The following CSGALNACT2 variants were observed in gnomAD, a reference collection of about 807,000 sequenced individuals.
CSGALNACT2 encodes the protein chondroitin sulfate N-acetylgalactosaminyltransferase 2.
Under a neutral mutation model 55.3 loss-of-function variants are expected in CSGALNACT2, and 35 were observed. That is an observed-to-expected ratio of 0.63 (90% confidence interval 0.48 to 0.84). The LOEUF is 0.84. CSGALNACT2 is among the 40% of genes least tolerant of loss of function. CSGALNACT2 has a pLI of 0.00. For synonymous variants in CSGALNACT2, 196 were observed against 224.9 expected, an observed-to-expected ratio of 0.87 and a Z score of 1.15; for missense variants, 544 against 657.5, an observed-to-expected ratio of 0.83 and a Z score of 1.89.
intron 1 of CSGALNACT2, among the ~76,000 whole-genome samples, chr10:43,146,368 C>A (rs1838747469): frequency 6.6e-6 from 1 of 152,206 alleles, no homozygotes; most frequent in Non-Finnish European, 1.5e-5. Flanking sequence ...CCATAAGACT[C>A]AGCAAGTCAG....
intron 1 of CSGALNACT2, among the ~76,000 whole-genome samples, chr10:43,150,524 G>C (rs1838854590): frequency 6.6e-6 from 1 of 151,996 alleles, no homozygotes; most frequent in Non-Finnish European, 1.5e-5. Flanking sequence ...TTTCTTTTTA[G>C]TTCTTTAAAG....
chr10:43,183,210 T>C, intron 7 of CSGALNACT2, 40 bp from the exon 8 acceptor site: 1 of 1,473,470 alleles, frequency 6.8e-7, no homozygotes, highest in Non-Finnish European at 9.5e-7. Flanking sequence ...CTCTGGCTAA[T>C]AATAGGCAGT....
chr10:43,158,912 C>A lies in CSGALNACT2; in HGVS notation c.859C>A (p.Gln287Lys), dbSNP rs770420204. The A allele has an allele frequency of 4.4e-6, 7 of 1,602,794 alleles. No homozygotes were observed. Among genetic ancestry groups the A allele is most frequent in the Non-Finnish European group, 4.3e-6 (5 of 1,170,432 alleles). Reference protein sequence around the residue: ...PLAERTEAFVQFMQNFRDVCI... With the variant: ...PLAERTEAFVKFMQNFRDVCI... ...TGCTGAAAGAACTGAAGCATTTGTA[C>A]AATTTATGCAGAACTTCAGGTAACT... Residue 287 changes from glutamine (Q) to lysine (K), a missense_variant, in exon 3 of 8, where the codon CAA becomes AAA. Transcript: ENST00000374466.
At chr10:43,162,850 G>A in intron 4 of CSGALNACT2, 3 of 970,728 alleles carry the variant, frequency 3.1e-6, no homozygotes, top group Non-Finnish European at 3.7e-6. Flanking sequence ...TGATGCTGTG[G>A]GTTTGGGGGC....
chr10:43,170,117 T>C (rs1314691105), intron 6 of CSGALNACT2, among the ~76,000 whole-genome samples: 2 of 152,142 alleles, frequency 1.3e-5, no homozygotes, highest in African/African-American at 4.8e-5. Context: ...ATAGTGTAAA[T>C]AGTTATGTTG....
intron 6 of CSGALNACT2, among the ~76,000 whole-genome samples, chr10:43,172,222 A>G (rs752482805): frequency 6.6e-6 from 1 of 152,226 alleles, no homozygotes; most frequent in Non-Finnish European, 1.5e-5. Flanking sequence ...TAAAAGGATA[A>G]ATTGAATTAT....
At chr10:43,166,929 C>T in intron 5 of CSGALNACT2, 75 bp from the exon 6 acceptor site, 1 of 805,298 alleles carries the variant, frequency 1.2e-6, no homozygotes, top group Non-Finnish European at 2.0e-6. Flanking sequence ...TTTGATAAAA[C>T]TTAATAGATA....
intron 7 of CSGALNACT2, among the ~76,000 whole-genome samples, chr10:43,182,800 C>T (rs544003211): frequency 2.3e-4 from 34 of 149,892 alleles, no homozygotes; most frequent in Non-Finnish European, 4.0e-4. Context: ...GCCTGAGCCA[C>T]GGAGGTCGAT....
At chr10:43,164,125 T>G in intron 5 of CSGALNACT2, 81 bp downstream of exon 5, 1 of 1,203,760 alleles carries the variant, frequency 8.3e-7, no homozygotes, top group Non-Finnish European at 1.1e-6. Context: ...TCAAGTGATT[T>G]TGAGGGAGAA....
At chr10:43,154,091 T>C (rs1009160590) in intron 1 of CSGALNACT2, among the ~76,000 whole-genome samples, 9 of 152,330 alleles carry the variant, frequency 5.9e-5, no homozygotes, top group South Asian at 2.1e-4. Flanking sequence ...GTCTCCTAGA[T>C]TGGCTGAGCT....
intron 6 of CSGALNACT2, among the ~76,000 whole-genome samples, chr10:43,167,400 TAC>T (rs1199384158): frequency 0.012 from 1,781 of 152,236 alleles, 36 homozygotes; most frequent in African/African-American, 0.041. Flanking sequence ...TTTTTACTAA[TAC>T]TAAAAATTTG....
At chr10:43,150,744 T>C (rs1186637267) in intron 1 of CSGALNACT2, among the ~76,000 whole-genome samples, 3 of 152,240 alleles carry the variant, frequency 2.0e-5, no homozygotes, top group Non-Finnish European at 4.4e-5. Flanking sequence ...TGTGTGTTTA[T>C]AGTTTCCATC....
chr10:43,173,168 C>T (rs1214211157), intron 6 of CSGALNACT2, among the ~76,000 whole-genome samples: 1 of 152,076 alleles, frequency 6.6e-6, no homozygotes. Flanking sequence ...ATTATAATTA[C>T]GGAGAAAGGT....
chr10:43,153,112 G>C (rs1838912877), intron 1 of CSGALNACT2, among the ~76,000 whole-genome samples: 5 of 151,986 alleles, frequency 3.3e-5, no homozygotes, highest in Admixed American at 3.3e-4. Context: ...CACTTTGGGA[G>C]GCCGAGGCGG....
chr10:43,142,931 C>A lies in CSGALNACT2; in HGVS notation c.-254+4364C>A, dbSNP rs142913125. Among the ~76,000 whole-genome samples the A allele has an allele frequency of 1.2e-3, 176 of 152,270 alleles. 1 individual carries two copies. In the East Asian group the frequency reaches 0.014, roughly 12 times the overall value. ...GAGTCTATTACCACCACCACCACCA[C>A]CAACAAAACTTTGCTTAATAGGAAA... On this transcript the variant is annotated intron_variant, in intron 1 of 7. Coordinates refer to ENST00000374466, the MANE Select transcript of CSGALNACT2 (RefSeq NM_018590.5).
intron 3 of CSGALNACT2, among the ~76,000 whole-genome samples, chr10:43,159,712 A>G (rs909803193): frequency 1.3e-5 from 2 of 152,340 alleles, no homozygotes; most frequent in East Asian, 1.9e-4. Flanking sequence ...TATGTTATCA[A>G]ATTTGTATAT....
intron 5 of CSGALNACT2, among the ~76,000 whole-genome samples, 175 bp downstream of exon 5, chr10:43,164,219 C>G (rs1316002261): frequency 6.6e-6 from 1 of 152,038 alleles, no homozygotes; most frequent in African/African-American, 2.4e-5. Context: ...AAAATTTGAC[C>G]CTTTGAAATT....
intron 5 of CSGALNACT2, among the ~76,000 whole-genome samples, chr10:43,164,268 A>G (rs1839213059): frequency 6.6e-6 from 1 of 152,232 alleles, no homozygotes; most frequent in South Asian, 2.1e-4. Flanking sequence ...TCCAGTGACT[A>G]CATTTGAAGC....
Position 43,157,987 on chromosome 10 carries a change from C to T in CSGALNACT2, c.662-728C>T, listed in dbSNP as rs959246209. Among the ~76,000 whole-genome samples, 3 of 149,060 alleles carry T rather than the reference C, an allele frequency of 2.0e-5. No individual in the cohort carries two copies. In the Admixed American group the frequency reaches 2.0e-4, roughly 10 times the overall value. ...GAGGTTGCAGTGAGCCAAGATTGCACCACTGCACTCCAGCCTGGTGACAGA... is the reference window on the plus strand; with the variant it reads ...GAGGTTGCAGTGAGCCAAGATTGCATCACTGCACTCCAGCCTGGTGACAGA... On this transcript the variant is annotated intron_variant, in intron 2 of 7. Coordinates refer to ENST00000374466, the MANE Select transcript of CSGALNACT2 (RefSeq NM_018590.5).
Sources: gnomAD v4.1 joint callset for allele counts (sites outside exome capture counted in the v4.1 genomes callset) on GRCh38, gnomAD v4.1.1 for gene constraint, MANE v1.5 for transcripts, NCBI Gene and HGNC (gene_info 2026-07-23, HGNC 2026-07-21) for gene names.